Variants in CPNE8 observed in about 807,000 individuals in gnomAD.
The protein encoded by CPNE8 is copine 8, also known as copine-8.
In CPNE8, 45 loss-of-function variants were observed where a neutral mutation model predicts 81.5. That is an observed-to-expected ratio of 0.55 (90% CI 0.44 to 0.71). CPNE8 has a LOEUF of 0.71. CPNE8 is among the 30% of genes least tolerant of loss of function. The pLI is 0.00. For missense variants in CPNE8, 594 were observed against 672.1 expected, an observed-to-expected ratio of 0.88 and a Z score of 1.28; for synonymous variants, 252 against 226.3, an observed-to-expected ratio of 1.11 and a Z score of -1.02.
intron 1 of CPNE8, among the ~76,000 whole-genome samples, chr12:38,883,471 G>A (rs1944193062): frequency 6.6e-6 from 1 of 152,152 alleles, no homozygotes; most frequent in Non-Finnish European, 1.5e-5. Flanking sequence ...AAAAAAGCAA[G>A]AGAATTAACA....
intron 3 of CPNE8, among the ~76,000 whole-genome samples, chr12:38,854,592 C>T (rs1943700160): frequency 6.6e-6 from 1 of 151,924 alleles, no homozygotes; most frequent in Non-Finnish European, 1.5e-5. Context: ...GGATTTATCC[C>T]TGGGATGCAA....
chr12:38,844,355 C>A (rs948324117), intron 4 of CPNE8, among the ~76,000 whole-genome samples: 2 of 151,956 alleles, frequency 1.3e-5, no homozygotes, highest in Non-Finnish European at 1.5e-5. Context: ...AGCTACTCTA[C>A]CAATAATAAA....
At chr12:38,799,002 T>C (rs932768588) in intron 6 of CPNE8, among the ~76,000 whole-genome samples, 1 of 152,116 alleles carries the variant, frequency 6.6e-6, no homozygotes, top group Admixed American at 6.5e-5. Flanking sequence ...GAGCTAACTG[T>C]CCTAAATATA....
At chr12:38,703,974 G>A (rs948952764) in intron 13 of CPNE8, among the ~76,000 whole-genome samples, 6 of 152,114 alleles carry the variant, frequency 3.9e-5, no homozygotes, top group African/African-American at 7.2e-5. Context: ...GCTGGAGGCC[G>A]ATACCCTAGG....
intron 6 of CPNE8, among the ~76,000 whole-genome samples, chr12:38,797,832 A>C (rs1942534405): frequency 6.6e-6 from 1 of 152,140 alleles, no homozygotes; most frequent in South Asian, 2.1e-4. Flanking sequence ...AACTAGAATA[A>C]CCAATACAGA....
intron 19 of CPNE8, among the ~76,000 whole-genome samples, chr12:38,654,505 A>G (rs898519888): frequency 1.1e-4 from 11 of 101,388 alleles, no homozygotes; most frequent in Non-Finnish European, 2.2e-4. Flanking sequence ...ACAGAGCGAG[A>G]CTCTGTCTCA....
At chr12:38,745,358 C>A (rs746899052) in intron 10 of CPNE8, among the ~76,000 whole-genome samples, 1 of 152,172 alleles carries the variant, frequency 6.6e-6, no homozygotes, top group Non-Finnish European at 1.5e-5. Flanking sequence ...ATACCTCTCT[C>A]AGGAAACATC....
At chr12:38,721,318 G>C (rs1940558683) in intron 13 of CPNE8, 1 of 152,942 alleles carries the variant, frequency 6.5e-6, no homozygotes, top group South Asian at 2.1e-4. Flanking sequence ...TGATGAGAGG[G>C]CCTGCCTGCA....
chr12:38,719,598 A>AAG (rs199502455), intron 13 of CPNE8, among the ~76,000 whole-genome samples: 9 of 151,296 alleles, frequency 5.9e-5, no homozygotes, highest in South Asian at 2.1e-4. Flanking sequence ...AAAAAAAAAA[A>AAG]AAAGAAAGAA....
intron 5 of CPNE8, among the ~76,000 whole-genome samples, chr12:38,836,616 T>A (rs890185635): frequency 6.6e-6 from 1 of 152,198 alleles, no homozygotes; most frequent in African/African-American, 2.4e-5. Context: ...AATAAGTAAG[T>A]GCCTTTATGC....
At chr12:38,742,532 G>A (rs560943420) in intron 10 of CPNE8, among the ~76,000 whole-genome samples, 1 of 146,214 alleles carries the variant, frequency 6.8e-6, no homozygotes, top group African/African-American at 2.5e-5. Flanking sequence ...CCTGTTGTGG[G>A]GTGGAGGGAG....
At chr12:38,705,774 A>G (rs947232363) in intron 13 of CPNE8, among the ~76,000 whole-genome samples, 4 of 152,150 alleles carry the variant, frequency 2.6e-5, no homozygotes, top group Admixed American at 6.5e-5. Context: ...TTTGAGTCCC[A>G]GCAACCCAGT....
chr12:38,905,812 C>A, upstream of CPNE8: 1 of 985,246 alleles, frequency 1.0e-6, no homozygotes. Context: ...GCAGCCCGGG[C>A]GGGGGACACA....
intron 18 of CPNE8, among the ~76,000 whole-genome samples, chr12:38,671,568 T>C (rs1232777752): frequency 6.6e-6 from 1 of 152,174 alleles, no homozygotes; most frequent in African/African-American, 2.4e-5. Flanking sequence ...ATTAATTACA[T>C]GAGGAATGCT....
At chr12:38,844,502 T>C (rs1943521463) in intron 4 of CPNE8, among the ~76,000 whole-genome samples, 1 of 152,166 alleles carries the variant, frequency 6.6e-6, no homozygotes, top group South Asian at 2.1e-4. Flanking sequence ...AAAGAAACCA[T>C]GTCTCCTGAA....
rs746023873 is a variant in CPNE8 at position 38,874,461 on chromosome 12, A to G, written c.139+10T>C. 6.3e-7 allele frequency: 1 copy of G among 1,592,724 alleles called. No individual in the cohort carries two copies. The highest frequency in any genetic ancestry group is 8.6e-7 in the Non-Finnish European group (1 of 1,162,778). Reference sequence around the variant, plus strand: ...AATGATTTTTCAAAAGGCAAGCAATACATACTTACTTGGATCAGATTTAGA... The same window carrying G: ...AATGATTTTTCAAAAGGCAAGCAATGCATACTTACTTGGATCAGATTTAGA... On this transcript the variant is annotated intron_variant, in intron 2 of 19. Coordinates refer to ENST00000331366, the MANE Select transcript of CPNE8 (RefSeq NM_153634.3).
At chr12:38,880,294 G>A (rs1944133718) in intron 1 of CPNE8, among the ~76,000 whole-genome samples, 1 of 152,158 alleles carries the variant, frequency 6.6e-6, no homozygotes, top group Non-Finnish European at 1.5e-5. Context: ...CTGATAGCCT[G>A]CAAAGTCTTT....
At chr12:38,719,731 A>G (rs1156956360) in intron 13 of CPNE8, among the ~76,000 whole-genome samples, 2 of 152,146 alleles carry the variant, frequency 1.3e-5, no homozygotes, top group Non-Finnish European at 2.9e-5. Flanking sequence ...CAAAAGAATA[A>G]GTTAATATCC....
At chr12:38,723,750 A>G in intron 13 of CPNE8, 22 bp downstream of exon 13, 16 of 1,500,720 alleles carry the variant, frequency 1.1e-5, no homozygotes, top group Non-Finnish European at 1.5e-5. Flanking sequence ...AAGCAACGAA[A>G]CAATTTGAGA....
Sources: allele counts gnomAD v4.1 joint callset (sites outside exome capture counted in the v4.1 genomes callset), GRCh38; gene constraint gnomAD v4.1.1; transcripts MANE v1.5; gene names NCBI Gene and HGNC (gene_info 2026-07-23, HGNC 2026-07-21).